Variants in DTHD1 observed in about 807,000 individuals in gnomAD.
The protein encoded by DTHD1 is death domain containing 1.
A neutral mutation model predicts 74.8 loss-of-function variants in DTHD1; 59 were observed. The ratio of observed to expected loss-of-function variants is 0.79; its 90% CI spans 0.64 to 0.98. The LOEUF is 0.98. Ranked by LOEUF, DTHD1 falls within the 50% of genes least tolerant of loss-of-function variation. DTHD1 has a pLI of 0.00. For synonymous variants in DTHD1, 365 were observed against 371.1 expected, an observed-to-expected ratio of 0.98 and a Z score of 0.19; for missense variants, 1,051 against 1,065.4, an observed-to-expected ratio of 0.99 and a Z score of 0.19.
chr4:36,314,069 G>GTTTT (rs375245524), intron 7 of DTHD1, among the ~76,000 whole-genome samples: 15 of 138,988 alleles, frequency 1.1e-4, no homozygotes, highest in South Asian at 2.3e-4. Context: ...CTAGGAATCT[G>GTTTT]TTTTTTTTTT....
intron 7 of DTHD1, among the ~76,000 whole-genome samples, chr4:36,309,439 T>C (rs991492473): frequency 1.3e-5 from 2 of 152,214 alleles, no homozygotes; most frequent in Non-Finnish European, 2.9e-5. Flanking sequence ...CCGAGATACC[T>C]TGCTTGCTTC....
chr4:36,309,300 A>C (rs1346767950), intron 7 of DTHD1, among the ~76,000 whole-genome samples: 10 of 151,978 alleles, frequency 6.6e-5, no homozygotes, highest in South Asian at 4.2e-4. Flanking sequence ...CACACACACA[A>C]AAATTAGTCG....
intron 8 of DTHD1, among the ~76,000 whole-genome samples, chr4:36,317,902 AC>A (rs1757821111): frequency 1.3e-5 from 2 of 152,350 alleles, no homozygotes; most frequent in African/African-American, 4.8e-5. Flanking sequence ...GGAAATTCAG[AC>A]AGTGGAAATG....
Position 36,306,238 on chromosome 4 carries a change from G to A in DTHD1, c.1691G>A (p.Cys564Tyr). 6.4e-7 allele frequency: 1 copy of A among 1,551,890 alleles called. No homozygotes were observed. The highest frequency in any genetic ancestry group is 8.7e-7 in the Non-Finnish European group (1 of 1,147,010). Residue 564 changes from cysteine (C) to tyrosine (Y), a missense_variant, in exon 6 of 10, where the codon TGT (cysteine) becomes TAT (tyrosine). Coordinates refer to ENST00000639862, the MANE Select transcript of DTHD1 (RefSeq NM_001170700.3). ...AAACCTAGGAAAAATGCCAGTGAAT[G>A]TTTGAAATTACTGGGATTCAGAAGC... ...IRKPRKNASE[C>Y]LKLLGFRSQD...
chr4:36,343,444 A>G, intron 9 of DTHD1, 58 bp from the exon 10 acceptor site: 1 of 1,468,400 alleles, frequency 6.8e-7, no homozygotes, highest in Non-Finnish European at 9.2e-7. Flanking sequence ...GGAGGGTTAG[A>G]CCCATGCATC....
At chr4:36,288,779 T>C (rs2109448927) in intron 2 of DTHD1, among the ~76,000 whole-genome samples, 1 of 152,356 alleles carries the variant, frequency 6.6e-6, no homozygotes, top group South Asian at 2.1e-4. Context: ...CTTGTTCTAC[T>C]TCATCTGTCA....
intron 1 of DTHD1, among the ~76,000 whole-genome samples, chr4:36,282,266 C>A (rs777733431): frequency 1.3e-5 from 2 of 152,094 alleles, no homozygotes; most frequent in African/African-American, 4.8e-5. Context: ...CAGTTTAAAT[C>A]CCATCTGTAG....
Position 36,345,912 on chromosome 4 carries a change from A to T in DTHD1, c.*2088A>T, listed in dbSNP as rs1206341816. ...CCTGCATGCACACATGCTAATATGT[A>T]TGTCCCATCACACACATCCCTGCCA... On this transcript the variant is annotated 3_prime_UTR_variant, in exon 10 of 10. Coordinates refer to ENST00000639862, the MANE Select transcript of DTHD1 (RefSeq NM_001170700.3). Among the ~76,000 whole-genome samples, 3 of 152,100 alleles carry T rather than the reference A, an allele frequency of 2.0e-5. No homozygotes were observed. The highest frequency in any genetic ancestry group is 7.2e-5 in the African/African-American group (3 of 41,412).
intron 8 of DTHD1, among the ~76,000 whole-genome samples, chr4:36,327,234 G>A (rs766428902): frequency 6.6e-5 from 10 of 152,006 alleles, no homozygotes; most frequent in Non-Finnish European, 1.0e-4. Context: ...CCCAAAATGC[G>A]GGGATTACAG....
chr4:36,314,645 G>C (rs2109516518), intron 7 of DTHD1, among the ~76,000 whole-genome samples: 1 of 151,762 alleles, frequency 6.6e-6, no homozygotes, highest in Non-Finnish European at 1.5e-5. Flanking sequence ...TTGTGCCACT[G>C]TGGAGCTGTG....
intron 8 of DTHD1, among the ~76,000 whole-genome samples, chr4:36,324,552 G>T (rs370393008): frequency 1.2e-4 from 18 of 152,054 alleles, no homozygotes; most frequent in Non-Finnish European, 2.9e-5. Context: ...AACTTCAACT[G>T]TTTTTGTTTT....
intron 9 of DTHD1, among the ~76,000 whole-genome samples, chr4:36,341,061 A>G (rs1020041974): frequency 3.3e-5 from 5 of 152,162 alleles, no homozygotes; most frequent in Admixed American, 6.5e-5. Flanking sequence ...ATAAGATTGG[A>G]AAGAAAGGCT....
Position 36,289,243 on chromosome 4 carries a change from A to G in DTHD1, c.888-1130A>G, listed in dbSNP as rs189651894. On this transcript the variant is annotated intron_variant, in intron 2 of 9. Coordinates refer to ENST00000639862, the MANE Select transcript of DTHD1 (RefSeq NM_001170700.3). Reference sequence around the variant, plus strand: ...GAAGTAGTAAAAAAAGAGGAACTCAAGTTGGTAATTTTAATGTAGAAAATC... The same window carrying G: ...GAAGTAGTAAAAAAAGAGGAACTCAGGTTGGTAATTTTAATGTAGAAAATC... 2.4e-3 allele frequency among the ~76,000 whole-genome samples: 371 copies of G among 152,308 alleles called. 4 individuals are homozygous for G. Among genetic ancestry groups the G allele is most frequent in the Admixed American group, 0.023 (347 of 15,300 alleles).
chr4:36,343,802 G>T lies in DTHD1; in HGVS notation c.2699G>T (p.Cys900Phe), dbSNP rs986250718. 1 of 1,549,092 alleles carries T rather than the reference G, an allele frequency of 6.5e-7. No homozygotes were observed. Among genetic ancestry groups the T allele is most frequent in the African/African-American group, 1.4e-5 (1 of 72,978 alleles). The change falls in exon 10 of 10, where the codon TGT becomes TTT. Residue 900 changes from cysteine to phenylalanine, a missense_variant. Coordinates refer to ENST00000639862, the MANE Select transcript of DTHD1 (RefSeq NM_001170700.3). ...AAAGTGTTCACTGAACCACAGCAGTGTTTTGATGTAGCCCCTGAGTAAAAG... is the reference window on the plus strand; with the variant it reads ...AAAGTGTTCACTGAACCACAGCAGTTTTTTGATGTAGCCCCTGAGTAAAAG... The part of the protein sequence containing the change: ...ENKVFTEPQQ[C>F]FDVAPE
chr4:36,322,904 G>A (rs1307744152), intron 8 of DTHD1, among the ~76,000 whole-genome samples: 1 of 152,210 alleles, frequency 6.6e-6, no homozygotes, highest in Non-Finnish European at 1.5e-5. Context: ...AGATGGAAGG[G>A]AGTGGAGAGA....
chr4:36,291,505 G>C lies in DTHD1; in HGVS notation c.1218+802G>C, dbSNP rs111672404. Among the ~76,000 whole-genome samples the C allele has an allele frequency of 9.8e-3, 1,487 of 152,270 alleles. 15 individuals are homozygous for C. Among genetic ancestry groups the C allele is most frequent in the Middle Eastern group, 0.02 (6 of 294 alleles). On this transcript the variant is annotated intron_variant, in intron 3 of 9. Coordinates refer to ENST00000639862, the MANE Select transcript of DTHD1 (RefSeq NM_001170700.3). ...GCTCTGTATGATCACAAATTCATATGCTGTGAAGAGAGAATATAACAACTA... is the reference window on the plus strand; with the variant it reads ...GCTCTGTATGATCACAAATTCATATCCTGTGAAGAGAGAATATAACAACTA...
chr4:36,295,561 C>G (rs1756348746), intron 5 of DTHD1, among the ~76,000 whole-genome samples: 1 of 151,204 alleles, frequency 6.6e-6, no homozygotes, highest in African/African-American at 2.4e-5. Flanking sequence ...AAATCAATAC[C>G]AAGATTTCTA....
At chr4:36,322,247 C>A (rs1462191935) in intron 8 of DTHD1, among the ~76,000 whole-genome samples, 1 of 152,156 alleles carries the variant, frequency 6.6e-6, no homozygotes, top group Non-Finnish European at 1.5e-5. Context: ...TTTTTGTTCA[C>A]TGCCAAATCA....
intron 4 of DTHD1, among the ~76,000 whole-genome samples, chr4:36,294,255 C>T (rs984900502): frequency 1.3e-5 from 2 of 151,926 alleles, no homozygotes; most frequent in African/African-American, 4.8e-5. Context: ...CATTCCCCTC[C>T]CATGCTCTCC....
Sources: gnomAD v4.1 joint callset for allele counts (sites outside exome capture counted in the v4.1 genomes callset) on GRCh38, gnomAD v4.1.1 for gene constraint, MANE v1.5 for transcripts, NCBI Gene and HGNC (gene_info 2026-07-23, HGNC 2026-07-21) for gene names.